TGFA: variants seen among roughly 807,000 people sequenced by gnomAD.
TGFA encodes protransforming growth factor alpha.
In TGFA, 12 loss-of-function variants were observed where a neutral mutation model predicts 21.7. The ratio of observed to expected loss-of-function variants is 0.55; its 90% CI spans 0.35 to 0.90. TGFA has a LOEUF of 0.90. Among genes scored for constraint, TGFA ranks in the 40% least tolerant of loss-of-function variants. The probability of loss-of-function intolerance (pLI) is 0.01; values close to 1 mark genes in which losing one functional copy is unlikely to be tolerated. For missense variants in TGFA, 178 were observed against 210.8 expected, an observed-to-expected ratio of 0.84 and a Z score of 0.96; for synonymous variants, 79 against 88.1, an observed-to-expected ratio of 0.90 and a Z score of 0.58.
rs1553489940 is a variant in TGFA, at chr2:70,453,215, T to G, written c.475+3A>C. 2 of 1,613,348 alleles carry G rather than the reference T, an allele frequency of 1.2e-6. No individual in the cohort carries two copies. The highest frequency in any genetic ancestry group is 1.7e-6 in the Non-Finnish European group (2 of 1,179,442). On this transcript the variant is annotated splice_donor_region_variant and intron_variant, in intron 5 of 5. Coordinates refer to ENST00000295400, the MANE Select transcript of TGFA (RefSeq NM_003236.4). ...GTCTCCCACCAGAGAAGAGTCTCCTTACCTGTTTCTGAGTGGCAGCAAGCG... is the reference window on the plus strand; with the variant it reads ...GTCTCCCACCAGAGAAGAGTCTCCTGACCTGTTTCTGAGTGGCAGCAAGCG...
At chr2:70,524,368 A>G (rs1197359691) in intron 1 of TGFA, among the ~76,000 whole-genome samples, 5 of 152,240 alleles carry the variant, frequency 3.3e-5, no homozygotes, top group African/African-American at 1.2e-4. Flanking sequence ...GAAGAGTTTA[A>G]GCCTTATCAA....
intron 2 of TGFA, among the ~76,000 whole-genome samples, chr2:70,480,595 C>A (rs782723210): frequency 2.0e-5 from 3 of 152,082 alleles, no homozygotes; most frequent in Admixed American, 6.6e-5. Context: ...ACATTATATG[C>A]CCACATGGTG....
At chr2:70,510,986 G>GA (rs35271081) in intron 2 of TGFA, among the ~76,000 whole-genome samples, 73 of 151,696 alleles carry the variant, frequency 4.8e-4, no homozygotes, top group African/African-American at 1.6e-3. Flanking sequence ...AAAAATAAAA[G>GA]AAAAAAAATG....
intron 2 of TGFA, among the ~76,000 whole-genome samples, chr2:70,482,588 C>G (rs1467718072): frequency 6.6e-6 from 1 of 152,178 alleles, no homozygotes; most frequent in East Asian, 1.9e-4. Context: ...AAACTACTGT[C>G]AAATTTGGCC....
intron 2 of TGFA, among the ~76,000 whole-genome samples, chr2:70,497,697 G>A (rs1389175299): frequency 1.3e-5 from 2 of 152,176 alleles, no homozygotes; most frequent in African/African-American, 4.8e-5. Flanking sequence ...AGACAGTGGT[G>A]GCCTGTGATC....
chr2:70,462,682 TAAAGCCATCTAAG>T (rs1670439853), intron 3 of TGFA, among the ~76,000 whole-genome samples: 2 of 152,238 alleles, frequency 1.3e-5, no homozygotes, highest in African/African-American at 4.8e-5. Context: ...GACAACTGAT[TAAAGCCATCTAAG>T]AACAGCGTGG....
Position 70,450,790 on chromosome 2 carries a change from C to T in TGFA, c.*69G>A. Reference sequence around the variant, plus strand: ...GCACACCCAGGCATCTCTGGCAGTGCTGTCCTGAAGAAGCCTTTCTTTATT... The same window carrying T: ...GCACACCCAGGCATCTCTGGCAGTGTTGTCCTGAAGAAGCCTTTCTTTATT... On this transcript the variant is annotated 3_prime_UTR_variant, in exon 6 of 6. Transcript: ENST00000295400. 4 of 1,568,224 alleles carry T rather than the reference C, an allele frequency of 2.6e-6. No homozygotes were observed. Among genetic ancestry groups the T allele is most frequent in the Non-Finnish European group, 3.5e-6 (4 of 1,148,040 alleles).
At chr2:70,541,779 C>T (rs1392809173) in intron 1 of TGFA, among the ~76,000 whole-genome samples, 1 of 152,066 alleles carries the variant, frequency 6.6e-6, no homozygotes, top group East Asian at 1.9e-4. Flanking sequence ...ATGAGTTTAC[C>T]TCACATTCCT....
At chr2:70,473,618 A>G (rs1435623774) in intron 2 of TGFA, among the ~76,000 whole-genome samples, 1 of 152,050 alleles carries the variant, frequency 6.6e-6, no homozygotes, top group Admixed American at 6.6e-5. Flanking sequence ...TGTCACATTT[A>G]CAGTAGGAAA....
chr2:70,451,968 C>T (rs1442326838), intron 5 of TGFA, among the ~76,000 whole-genome samples: 4 of 152,226 alleles, frequency 2.6e-5, no homozygotes, highest in Admixed American at 6.5e-5. Flanking sequence ...GCCGCTCCCG[C>T]ACTCTCTGTG....
intron 2 of TGFA, among the ~76,000 whole-genome samples, chr2:70,483,001 G>T (rs1462816134): frequency 3.9e-5 from 6 of 152,174 alleles, no homozygotes; most frequent in Non-Finnish European, 8.8e-5. Context: ...TATGTTTGGG[G>T]ATCTCTTCAT....
chr2:70,495,448 G>T (rs553455614), intron 2 of TGFA, among the ~76,000 whole-genome samples: 131 of 152,250 alleles, frequency 8.6e-4, no homozygotes, highest in African/African-American at 3.1e-3. Flanking sequence ...TCCTAATCTT[G>T]TGGAAAGAGT....
chr2:70,502,724 A>G lies in TGFA; in HGVS notation c.94+12135T>C, dbSNP rs77706647. ...AGCTCAAATCATGTCTCTGCCATCA[A>G]TTGGCTCAGGCCATCTTGGTATTTC... On this transcript the variant is annotated intron_variant, in intron 2 of 5. Transcript: ENST00000295400. Among the ~76,000 whole-genome samples, 23 of 152,302 alleles carry G rather than the reference A, an allele frequency of 1.5e-4. No homozygotes were observed. In the East Asian group the frequency reaches 3.5e-3, roughly 23 times the overall value.
intron 2 of TGFA, among the ~76,000 whole-genome samples, chr2:70,482,754 T>TAC (rs1671162441): frequency 6.6e-6 from 1 of 152,128 alleles, no homozygotes; most frequent in Non-Finnish European, 1.5e-5. Flanking sequence ...TATCATCCAA[T>TAC]ACTTCAGCTA....
chr2:70,453,079 C>G lies in TGFA; in HGVS notation c.475+139G>C, dbSNP rs1670107823. The stretch of plus-strand genomic sequence containing the variant: ...AAAGGCACCTATGAATAAACTAAAC[C>G]TGACTTGGTAGAATGAAACAGTCTC... On this transcript the variant is annotated intron_variant, in intron 5 of 5. Coordinates refer to ENST00000295400, the MANE Select transcript of TGFA (RefSeq NM_003236.4). 5.2e-6 allele frequency: 4 copies of G among 764,230 alleles called. No homozygotes were observed. In the East Asian group the frequency reaches 1.1e-4, roughly 21 times the overall value. The allele number at this position is 764,230 out of a possible 1,614,324, so 47.3% of individuals were successfully genotyped here. A position where few individuals can be genotyped will look rare whatever the true frequency, so the allele number is the denominator to read the frequency against.
chr2:70,518,867 T>G (rs1417541583), intron 1 of TGFA, among the ~76,000 whole-genome samples: 2 of 152,216 alleles, frequency 1.3e-5, no homozygotes, highest in Non-Finnish European at 2.9e-5. Flanking sequence ...CAGGCCCCTA[T>G]GTACTCCACT....
chr2:70,550,547 A>G (rs1189220404), intron 1 of TGFA, among the ~76,000 whole-genome samples: 3 of 152,138 alleles, frequency 2.0e-5, no homozygotes, highest in Non-Finnish European at 2.9e-5. Flanking sequence ...AGGGCCGGGC[A>G]CGGTGGCTCA....
At chr2:70,482,700 T>C (rs1333852022) in intron 2 of TGFA, among the ~76,000 whole-genome samples, 3 of 151,778 alleles carry the variant, frequency 2.0e-5, no homozygotes, top group African/African-American at 7.3e-5. Flanking sequence ...TGTGATCCAT[T>C]GTTCTGGCTC....
intron 1 of TGFA, among the ~76,000 whole-genome samples, chr2:70,517,707 C>T (rs1184824565): frequency 1.3e-5 from 2 of 152,236 alleles, no homozygotes; most frequent in Non-Finnish European, 2.9e-5. Context: ...TACCAGACCA[C>T]ACCACAGTCC....
Sources: allele counts gnomAD v4.1 joint callset (sites outside exome capture counted in the v4.1 genomes callset), GRCh38; gene constraint gnomAD v4.1.1; transcripts MANE v1.5; gene names NCBI Gene and HGNC (gene_info 2026-07-23, HGNC 2026-07-21).